MCC: variants seen among roughly 807,000 people sequenced by gnomAD.
The protein encoded by MCC is MCC regulator of Wnt signaling pathway.
MCC carries 90 observed loss-of-function variants against 116.2 expected under a neutral mutation model. That is an observed-to-expected ratio of 0.77 (90% confidence interval 0.65 to 0.92). The LOEUF (loss-of-function observed/expected upper bound fraction) is 0.92. Among genes scored for constraint, MCC ranks in the 40% least tolerant of loss-of-function variants. MCC has a pLI of 0.00. For missense variants in MCC, 1,516 were observed against 1,312.2 expected (o/e 1.16, Z -2.40); for synonymous variants, 578 against 510.5 (o/e 1.13, Z -1.78).
chr5:113,289,958 T>C (rs1455172980), intron 3 of MCC, among the ~76,000 whole-genome samples: 1 of 152,142 alleles, frequency 6.6e-6, no homozygotes, highest in African/African-American at 2.4e-5. Flanking sequence ...CAGAGGACTA[T>C]AAAGAGGCAA....
intron 5 of MCC, among the ~76,000 whole-genome samples, chr5:113,142,130 C>G (rs150612785): frequency 3.9e-5 from 6 of 152,052 alleles, no homozygotes; most frequent in Non-Finnish European, 8.8e-5. Flanking sequence ...AAAACAGATG[C>G]CCATTAGTAG....
intron 3 of MCC, among the ~76,000 whole-genome samples, chr5:113,312,978 C>G (rs186456513): frequency 2.6e-5 from 4 of 152,214 alleles, no homozygotes; most frequent in Non-Finnish European, 5.9e-5. Flanking sequence ...AGCTCACAGT[C>G]TAGTGGGGAA....
intron 1 of MCC, among the ~76,000 whole-genome samples, chr5:113,390,593 T>C (rs1449978437): frequency 6.6e-6 from 1 of 152,242 alleles, no homozygotes; most frequent in African/African-American, 2.4e-5. Flanking sequence ...AAATTGAGTA[T>C]GAAGTGAAAA....
intron 14 of MCC, among the ~76,000 whole-genome samples, chr5:113,060,604 T>C (rs1753149406): frequency 6.6e-6 from 1 of 152,218 alleles, no homozygotes; most frequent in African/African-American, 2.4e-5. Flanking sequence ...CATTTTGCAA[T>C]GCTGGCATTT....
At position 113,069,350 on chromosome 5, in the gene MCC, G is replaced by T. The variant is rs114446050; in HGVS notation, c.1926-1167C>A. On this transcript the variant is annotated intron_variant, in intron 12 of 18. Coordinates refer to ENST00000408903, the MANE Select transcript of MCC (RefSeq NM_001085377.2). ...TGCCCAACATTCATTGGGCAAACAA[G>T]GTAAAATATCAAACAACAGTCCCTT... Among the ~76,000 whole-genome samples the T allele has an allele frequency of 2.6e-3, 396 of 152,350 alleles. 2 individuals are homozygous for T. The highest frequency in any genetic ancestry group is 9.0e-3 in the African/African-American group (375 of 41,574).
chr5:113,142,831 A>T (rs1759258208), intron 5 of MCC, among the ~76,000 whole-genome samples: 1 of 152,220 alleles, frequency 6.6e-6, no homozygotes, highest in African/African-American at 2.4e-5. Context: ...GTATCAACCC[A>T]GTGAATCAAA....
At position 113,298,775 on chromosome 5, in the gene MCC, G is replaced by GA. The variant is rs565772099; in HGVS notation, c.627+41743dup. Among the ~76,000 whole-genome samples the GA allele has an allele frequency of 3.3e-5, 5 of 152,266 alleles. No individual in the cohort carries two copies. The South Asian group carries it at 1.0e-3, about 32-fold the overall frequency. ...ACACAGTAGGGAAGACAAGAATTCAGAGATATAATAACTAATACTTATTTG... is the reference window on the plus strand; with the variant it reads ...ACACAGTAGGGAAGACAAGAATTCAGAAGATATAATAACTAATACTTATTTG... On this transcript the variant is annotated intron_variant, in intron 3 of 18. Transcript: ENST00000408903.
chr5:113,196,717 C>T (rs533807483), intron 3 of MCC, among the ~76,000 whole-genome samples: 1 of 152,228 alleles, frequency 6.6e-6, no homozygotes, highest in South Asian at 2.1e-4. Flanking sequence ...AGCGTGGTGG[C>T]ACATGCCTGT....
chr5:113,119,155 G>C (rs1320459575), intron 6 of MCC, among the ~76,000 whole-genome samples: 1 of 152,230 alleles, frequency 6.6e-6, no homozygotes, highest in Non-Finnish European at 1.5e-5. Context: ...CTACGTGCAG[G>C]AACTGCTATG....
intron 3 of MCC, among the ~76,000 whole-genome samples, chr5:113,258,704 G>C (rs1765113464): frequency 6.6e-6 from 1 of 152,202 alleles, no homozygotes; most frequent in Non-Finnish European, 1.5e-5. Flanking sequence ...ACTGAGGTGA[G>C]GGTGGAAATG....
chr5:113,367,463 G>C (rs566085374), intron 2 of MCC, among the ~76,000 whole-genome samples: 1 of 151,956 alleles, frequency 6.6e-6, no homozygotes, highest in African/African-American at 2.4e-5. Flanking sequence ...TTGCTCCAAT[G>C]TCCATTATGT....
At chr5:113,443,031 T>C (rs763230686) in intron 1 of MCC, among the ~76,000 whole-genome samples, 3 of 152,206 alleles carry the variant, frequency 2.0e-5, no homozygotes, top group Non-Finnish European at 4.4e-5. Flanking sequence ...TCCAATTCTG[T>C]GAAGAAAGTC....
chr5:113,327,561 A>AAATATATATATAT (rs1480996383), intron 3 of MCC, among the ~76,000 whole-genome samples: 10 of 80,570 alleles, frequency 1.2e-4, no homozygotes, highest in African/African-American at 4.0e-4. Context: ...AAAAAAAAAA[A>AAATATATATATAT]ATATATATAT....
intron 3 of MCC, among the ~76,000 whole-genome samples, chr5:113,264,988 C>T (rs1186854030): frequency 6.6e-6 from 1 of 152,006 alleles, no homozygotes; most frequent in Admixed American, 6.6e-5. Flanking sequence ...TTGCAGTGAG[C>T]CAAGATCACG....
chr5:113,078,699 A>G (rs1754631584), intron 11 of MCC, among the ~76,000 whole-genome samples: 1 of 152,194 alleles, frequency 6.6e-6, no homozygotes, highest in Non-Finnish European at 1.5e-5. Context: ...CACAGCCAAT[A>G]TCATACTGAA....
intron 5 of MCC, among the ~76,000 whole-genome samples, chr5:113,133,241 A>G (rs943196069): frequency 2.0e-5 from 3 of 151,996 alleles, no homozygotes; most frequent in Non-Finnish European, 2.9e-5. Flanking sequence ...TACTTCTTCT[A>G]TCTACCTATA....
At chr5:113,404,620 G>A (rs1769782062) in intron 1 of MCC, among the ~76,000 whole-genome samples, 1 of 152,200 alleles carries the variant, frequency 6.6e-6, no homozygotes, top group South Asian at 2.1e-4. Context: ...CTAGGGATAT[G>A]TTGATGACTG....
chr5:113,410,085 T>C (rs1450265512), intron 1 of MCC, among the ~76,000 whole-genome samples: 6 of 152,232 alleles, frequency 3.9e-5, no homozygotes, highest in Non-Finnish European at 5.9e-5. Flanking sequence ...CATACCTATG[T>C]CTCTGTCTCC....
intron 2 of MCC, among the ~76,000 whole-genome samples, chr5:113,360,448 T>A (rs149967997): frequency 4.6e-5 from 7 of 152,320 alleles, no homozygotes; most frequent in African/African-American, 1.4e-4. Context: ...AATTAGCCCA[T>A]AATTTTTATT....
Sources: allele counts gnomAD v4.1 joint callset (sites outside exome capture counted in the v4.1 genomes callset), GRCh38; gene constraint gnomAD v4.1.1; transcripts MANE v1.5; gene names NCBI Gene and HGNC (gene_info 2026-07-23, HGNC 2026-07-21).